Variants in ERC1 observed in about 807,000 individuals in gnomAD.
The protein encoded by ERC1 is RAB6 interacting protein 2.
In ERC1, 56 loss-of-function variants were observed where a neutral mutation model predicts 132.0. The ratio of observed to expected loss-of-function variants is 0.42; its 90% CI spans 0.34 to 0.53. The LOEUF (loss-of-function observed/expected upper bound fraction) is 0.53. ERC1 is among the 20% of genes least tolerant of loss of function. The pLI is 0.03. For synonymous variants in ERC1, 478 were observed against 476.1 expected (o/e 1.00, Z -0.05); for missense variants, 1,202 against 1,349.9 (o/e 0.89, Z 1.72).
intron 1 of ERC1, among the ~76,000 whole-genome samples, chr12:1,017,006 T>C (rs998466096): frequency 2.8e-4 from 42 of 151,624 alleles, no homozygotes; most frequent in African/African-American, 9.7e-4. Context: ...TTTTATTTAT[T>C]ATTTTTTTGA....
intron 14 of ERC1, among the ~76,000 whole-genome samples, chr12:1,279,091 A>C (rs1458011788): frequency 6.6e-6 from 1 of 152,328 alleles, no homozygotes; most frequent in East Asian, 1.9e-4. Flanking sequence ...GTGTATAGGA[A>C]GATAAAGCTA....
At chr12:1,141,851 G>C (rs1858729969) in intron 8 of ERC1, 64 bp downstream of exon 8, 3 of 1,248,440 alleles carry the variant, frequency 2.4e-6, no homozygotes, top group African/African-American at 3.1e-5. Flanking sequence ...CTACCACTAA[G>C]TTATTTCTAA....
chr12:1,019,670 G>A (rs1327513754), intron 1 of ERC1, among the ~76,000 whole-genome samples: 1 of 152,102 alleles, frequency 6.6e-6, no homozygotes, highest in Non-Finnish European at 1.5e-5. Flanking sequence ...GATCATTATG[G>A]CACTGGTGTT....
At chr12:1,102,154 C>G (rs1944737539) in intron 3 of ERC1, among the ~76,000 whole-genome samples, 1 of 151,486 alleles carries the variant, frequency 6.6e-6, no homozygotes, top group South Asian at 2.1e-4. Context: ...CTGGTACCAG[C>G]TAGAGTTTGC....
Position 1,485,671 on chromosome 12 carries a change from G to C in ERC1, c.3214-4422G>C, listed in dbSNP as rs982102383. Among the ~76,000 whole-genome samples, 20 of 151,840 alleles carry C rather than the reference G, an allele frequency of 1.3e-4. No individual in the cohort carries two copies. The East Asian group carries it at 1.9e-3, about 15-fold the overall frequency. ...AGTAATGTCAATCCTTTGTCTTTTTGTTTTGTGTTTATTATGTCTTTCAAG... is the reference window on the plus strand; with the variant it reads ...AGTAATGTCAATCCTTTGTCTTTTTCTTTTGTGTTTATTATGTCTTTCAAG... On this transcript the variant is annotated intron_variant, in intron 18 of 18. Transcript: ENST00000360905.
At chr12:1,229,418 T>C (rs1002693442) in intron 12 of ERC1, among the ~76,000 whole-genome samples, 1 of 152,162 alleles carries the variant, frequency 6.6e-6, no homozygotes. Flanking sequence ...GGAGGATCCT[T>C]TGACCCCAGA....
chr12:1,042,254 G>A (rs1970337963), intron 2 of ERC1, among the ~76,000 whole-genome samples: 2 of 151,504 alleles, frequency 1.3e-5, no homozygotes, highest in Admixed American at 6.6e-5. Context: ...AGCTAGGATG[G>A]TCTTAACCTC....
chr12:1,445,733 C>T (rs896077916), intron 18 of ERC1, among the ~76,000 whole-genome samples: 3 of 152,054 alleles, frequency 2.0e-5, no homozygotes, highest in Non-Finnish European at 2.9e-5. Flanking sequence ...CTCAAGTATC[C>T]GAAAGGGCTG....
intron 7 of ERC1, among the ~76,000 whole-genome samples, chr12:1,131,247 A>G (rs1256019503): frequency 6.6e-6 from 1 of 152,124 alleles, no homozygotes; most frequent in African/African-American, 2.4e-5. Context: ...GGTTCCATGC[A>G]GTGAGATGTG....
At position 1,183,383 on chromosome 12, in the gene ERC1, AAGG is replaced by A; in HGVS notation, c.2125_2127del (p.Glu709del). ...ACTAGAGATTGCTTTGGAGCAGAAG[AAGG>A]AGGAGTGTCTGAAAATGGAATCACA... On this transcript the variant is annotated inframe_deletion, in exon 11 of 19. Coordinates refer to ENST00000360905, the MANE Select transcript of ERC1 (RefSeq NM_178040.4). The A allele has an allele frequency of 2.5e-6, 4 of 1,590,890 alleles. No homozygotes were observed. Among genetic ancestry groups the A allele is most frequent in the Non-Finnish European group, 3.4e-6 (4 of 1,164,174 alleles).
At chr12:1,103,819 TGA>T (rs1258409144) in intron 3 of ERC1, among the ~76,000 whole-genome samples, 1 of 152,150 alleles carries the variant, frequency 6.6e-6, no homozygotes, top group Non-Finnish European at 1.5e-5. Flanking sequence ...ATTACAGGTA[TGA>T]GTCATCACGC....
intron 12 of ERC1, among the ~76,000 whole-genome samples, chr12:1,236,430 G>A (rs977629559): frequency 2.3e-4 from 35 of 152,106 alleles, no homozygotes; most frequent in African/African-American, 7.2e-4. Flanking sequence ...ATTTCAGTGC[G>A]TCGATGTCAA....
At chr12:1,212,624 G>A (rs749041663) in intron 12 of ERC1, among the ~76,000 whole-genome samples, 2 of 152,178 alleles carry the variant, frequency 1.3e-5, no homozygotes, top group Non-Finnish European at 2.9e-5. Flanking sequence ...CGATTCGAAC[G>A]TTGAGTAGGA....
intron 14 of ERC1, among the ~76,000 whole-genome samples, chr12:1,275,786 G>A (rs759119650): frequency 6.6e-6 from 1 of 152,116 alleles, no homozygotes; most frequent in Non-Finnish European, 1.5e-5. Context: ...TTTGGCCATG[G>A]TTCTACAAAC....
intron 9 of ERC1, 23 bp downstream of exon 9, chr12:1,180,700 C>G (rs1954348846): frequency 6.2e-7 from 1 of 1,613,432 alleles, no homozygotes; most frequent in African/African-American, 1.3e-5. Context: ...CCCCAACTCT[C>G]CACACACGTT....
At chr12:1,058,334 A>G (rs181756806) in intron 2 of ERC1, among the ~76,000 whole-genome samples, 7 of 152,176 alleles carry the variant, frequency 4.6e-5, no homozygotes, top group Non-Finnish European at 1.0e-4. Flanking sequence ...CAGGTCTTAC[A>G]TTTAAGTCTT....
chr12:1,146,627 A>T lies in ERC1; in HGVS notation c.1737+4840A>T, dbSNP rs545221097. On this transcript the variant is annotated intron_variant, in intron 8 of 18. Transcript: ENST00000360905. ...TTCCAGTACTGTTTTTTTTTTTTTT[A>T]AATTTTATTATTATACTGTAAGTTC... Among the ~76,000 whole-genome samples, 1,248 of 137,330 alleles carry T rather than the reference A, an allele frequency of 9.1e-3. 12 individuals carry two copies. Among genetic ancestry groups the T allele is most frequent in the African/African-American group, 0.028 (1,019 of 36,564 alleles). 90.1% of individuals were successfully genotyped at this position (137,330 alleles called of 152,430 possible).
intron 8 of ERC1, among the ~76,000 whole-genome samples, chr12:1,173,900 G>C (rs1241404379): frequency 2.6e-5 from 4 of 151,748 alleles, no homozygotes; most frequent in African/African-American, 9.7e-5. Context: ...GTGAGTGAGG[G>C]CTCAGCTGTT....
chr12:1,172,930 C>A (rs1297841573), intron 8 of ERC1, among the ~76,000 whole-genome samples: 1 of 152,174 alleles, frequency 6.6e-6, no homozygotes, highest in African/African-American at 2.4e-5. Context: ...AAATCCTTAA[C>A]GTCAAGCATC....
Sources: allele counts gnomAD v4.1 joint callset (sites outside exome capture counted in the v4.1 genomes callset), GRCh38; gene constraint gnomAD v4.1.1; transcripts MANE v1.5; gene names NCBI Gene and HGNC (gene_info 2026-07-23, HGNC 2026-07-21).